LAMA3: variants seen among roughly 807,000 people sequenced by gnomAD.
LAMA3 encodes the protein laminin subunit alpha-3.
In LAMA3, 281 loss-of-function variants were observed where a neutral mutation model predicts 402.0. The observed-to-expected ratio is 0.70, with a 90% confidence interval of 0.63 to 0.77. LAMA3 has a LOEUF of 0.77. Among genes scored for constraint, LAMA3 ranks in the 30% least tolerant of loss-of-function variants. The probability of loss-of-function intolerance (pLI) is 0.00; values close to 1 mark genes in which losing one functional copy is unlikely to be tolerated. For missense variants in LAMA3, 3,840 were observed against 4,215.5 expected, an observed-to-expected ratio of 0.91 and a Z score of 2.47; for synonymous variants, 1,431 against 1,558.4, an observed-to-expected ratio of 0.92 and a Z score of 1.93.
At chr18:23,875,556 C>T (rs538825822) in intron 38 of LAMA3, among the ~76,000 whole-genome samples, 1 of 152,216 alleles carries the variant, frequency 6.6e-6, no homozygotes, top group South Asian at 2.1e-4. Context: ...GCTCCCCTCC[C>T]CTGGCTTCTC....
chr18:23,734,621 G>C (rs2061443986), intron 2 of LAMA3, among the ~76,000 whole-genome samples: 1 of 152,158 alleles, frequency 6.6e-6, no homozygotes, highest in African/African-American at 2.4e-5. Flanking sequence ...CTGGAATGGA[G>C]CAGAAAAAAA....
At chr18:23,945,714 A>C (rs2082684694) in intron 69 of LAMA3, among the ~76,000 whole-genome samples, 1 of 152,178 alleles carries the variant, frequency 6.6e-6, no homozygotes, top group African/African-American at 2.4e-5. Flanking sequence ...TTTGAAGAGA[A>C]GTGCCCTCGT....
intron 33 of LAMA3, among the ~76,000 whole-genome samples, chr18:23,858,244 A>G (rs1363947685): frequency 6.6e-6 from 1 of 152,184 alleles, no homozygotes; most frequent in Non-Finnish European, 1.5e-5. Context: ...AAATCAGCAC[A>G]AACTTTTATC....
intron 73 of LAMA3, 143 bp downstream of exon 73, chr18:23,951,920 A>C (rs895043320): frequency 2.5e-5 from 17 of 688,282 alleles, no homozygotes; most frequent in Non-Finnish European, 4.0e-5. Flanking sequence ...GTCCATTCAC[A>C]ACCCCAGCCA....
In LAMA3 at chr18:23,753,787, T is replaced by G; in HGVS notation, c.922T>G (p.Cys308Gly). 1 of 1,613,768 alleles carries G rather than the reference T, an allele frequency of 6.2e-7. No individual in the cohort carries two copies. Reference protein sequence around the residue: ...QCVCNGHAEVCNINNPEKLFR... With the variant: ...QCVCNGHAEVGNINNPEKLFR... ...TGTTTGCAATGGCCATGCTGAAGTGTGCAATATAAACAATCCTGAAAAACT... is the reference window on the plus strand; with the variant it reads ...TGTTTGCAATGGCCATGCTGAAGTGGGCAATATAAACAATCCTGAAAAACT... Residue 308 changes from cysteine (C) to glycine (G), a missense_variant, in exon 6 of 75, where the codon TGC becomes GGC. By Grantham distance (159) the Cys-to-Gly change is radical (BLOSUM62 -3). Around this residue, in one of 3 missense-constraint regions of LAMA3, gnomAD observed 2,109 missense variants for 2,376.0 expected, o/e 0.89. Coordinates refer to ENST00000313654, the MANE Select transcript of LAMA3 (RefSeq NM_198129.4).
intron 39 of LAMA3, among the ~76,000 whole-genome samples, chr18:23,880,225 T>C (rs571116888): frequency 6.6e-6 from 1 of 152,230 alleles, no homozygotes; most frequent in Admixed American, 6.5e-5. Flanking sequence ...GGACCCATAG[T>C]GCAGTGAGAT....
rs182296655 is a variant in LAMA3 at position 23,783,635 on chromosome 18, G to A, written c.1469-388G>A. Among the ~76,000 whole-genome samples, 445 of 152,308 alleles carry A rather than the reference G, an allele frequency of 2.9e-3. 2 individuals carry two copies. Among genetic ancestry groups the A allele is most frequent in the African/African-American group, 0.01 (432 of 41,558 alleles). On this transcript the variant is annotated intron_variant, in intron 11 of 74. Coordinates refer to ENST00000313654, the MANE Select transcript of LAMA3 (RefSeq NM_198129.4). ...GCCTGATATGTAGTAGGGCTGAATT[G>A]ATGTTAGTTTCTTTCCTTCTAAAAA...
chr18:23,762,959 C>T (rs752299681), intron 7 of LAMA3, among the ~76,000 whole-genome samples: 16 of 151,988 alleles, frequency 1.1e-4, no homozygotes, highest in African/African-American at 3.6e-4. Context: ...TGGGTTCAAG[C>T]GATTCTTCTG....
chr18:23,764,513 T>C (rs957119887), intron 8 of LAMA3, among the ~76,000 whole-genome samples: 2 of 152,134 alleles, frequency 1.3e-5, no homozygotes, highest in African/African-American at 4.8e-5. Context: ...TTCATCATTC[T>C]CTCAGTGATA....
At chr18:23,949,205 G>A (rs941611153) in intron 70 of LAMA3, among the ~76,000 whole-genome samples, 1 of 152,180 alleles carries the variant, frequency 6.6e-6, no homozygotes, top group Non-Finnish European at 1.5e-5. Context: ...TGCAGCATTC[G>A]TGACTTGGTG....
At position 23,827,433 on chromosome 18, in the gene LAMA3, C is replaced by T; in HGVS notation, c.2789C>T (p.Ala930Val). The T allele has an allele frequency of 1.9e-6, 3 of 1,614,068 alleles. No individual in the cohort carries two copies. Among genetic ancestry groups the T allele is most frequent in the Non-Finnish European group, 2.5e-6 (3 of 1,179,988 alleles). Residue 930 changes from alanine (A) to valine (V), a missense_variant, in exon 23 of 75, where the codon GCA becomes GTA. Around this residue, in one of 3 missense-constraint regions of LAMA3, gnomAD observed 2,109 missense variants for 2,376.0 expected, o/e 0.89. Coordinates refer to ENST00000313654, the MANE Select transcript of LAMA3 (RefSeq NM_198129.4). Reference sequence around the variant, plus strand: ...GTGGCAGTGAGGCAGCCCACACCTGCACACCCTGTCATGGTGGACCTCAGC... The same window carrying T: ...GTGGCAGTGAGGCAGCCCACACCTGTACACCCTGTCATGGTGGACCTCAGC... ...RPVAVRQPTP[A>V]HPVMVDLSGR... is the part of the protein sequence containing the mutation.
chr18:23,945,211 CA>C (rs1402151411), intron 69 of LAMA3, among the ~76,000 whole-genome samples: 2 of 152,206 alleles, frequency 1.3e-5, no homozygotes, highest in Admixed American at 6.5e-5. Context: ...AAGAGACTGC[CA>C]GGGGGCAAGA....
intron 1 of LAMA3, among the ~76,000 whole-genome samples, chr18:23,698,975 G>A (rs1355577261): frequency 6.6e-6 from 1 of 152,002 alleles, no homozygotes; most frequent in Non-Finnish European, 1.5e-5. Context: ...CCAGGGTGCG[G>A]TGGCTCACGC....
chr18:23,867,055 G>A (rs1032316623), intron 36 of LAMA3, among the ~76,000 whole-genome samples: 3 of 152,200 alleles, frequency 2.0e-5, no homozygotes, highest in Non-Finnish European at 4.4e-5. Context: ...GGCTGAGAGC[G>A]AGTGAGGCTG....
Position 23,906,358 on chromosome 18 carries a change from A to G in LAMA3, c.6718+734A>G, listed in dbSNP as rs113569195. Among the ~76,000 whole-genome samples the G allele has an allele frequency of 1.3e-3, 192 of 152,348 alleles. 1 individual carries two copies. The highest frequency in any genetic ancestry group is 4.1e-3 in the African/African-American group (172 of 41,580). On this transcript the variant is annotated intron_variant, in intron 52 of 74. Transcript: ENST00000313654. Reference sequence around the variant, plus strand: ...AAAATCTTTGCAACTAAAAGTCCCCAAAATCACTGCTACTGTGAAGCATGA... The same window carrying G: ...AAAATCTTTGCAACTAAAAGTCCCCGAAATCACTGCTACTGTGAAGCATGA...
intron 8 of LAMA3, among the ~76,000 whole-genome samples, chr18:23,772,265 C>T (rs894402162): frequency 6.6e-6 from 1 of 152,316 alleles, no homozygotes; most frequent in East Asian, 1.9e-4. Context: ...TGGTCTTGAA[C>T]TCCTGACCTT....
At chr18:23,690,149 G>C (rs1349059648) in intron 1 of LAMA3, among the ~76,000 whole-genome samples, 172 bp downstream of exon 1, 5 of 152,198 alleles carry the variant, frequency 3.3e-5, no homozygotes, top group Admixed American at 2.0e-4. Flanking sequence ...GCGATCTCGT[G>C]GAAGCACCGC....
chr18:23,756,436 G>T (rs936972759), intron 6 of LAMA3, among the ~76,000 whole-genome samples: 1 of 33,718 alleles, frequency 3.0e-5, no homozygotes, highest in Non-Finnish European at 6.3e-5. Context: ...GGACACCCCC[G>T]CCGCTTCCCC....
At position 23,894,912 on chromosome 18, in the gene LAMA3, G is replaced by A. The variant is rs779345110; in HGVS notation, c.5467G>A (p.Asp1823Asn). The change falls in exon 44 of 75, where the codon GAC becomes AAC. Residue 1823 changes from aspartate to asparagine, a missense_variant. Physicochemically the swap from Asp to Asn is conservative, Grantham distance 23. This residue lies in a region of LAMA3 where 891 missense variants were observed against 857.5 expected (regional missense o/e 1.04). Coordinates refer to ENST00000313654, the MANE Select transcript of LAMA3 (RefSeq NM_198129.4). The stretch of plus-strand genomic sequence containing the variant: ...TTTGATTGTGGCCCCTACAGATTGC[G>A]ACAGCTGTGTGATGACCCTCCTGAA... ...SSPAEECDDC[D>N]SCVMTLLNDL... 6 of 1,614,152 alleles carry A rather than the reference G, an allele frequency of 3.7e-6. No individual in the cohort carries two copies. Among genetic ancestry groups the A allele is most frequent in the South Asian group, 2.2e-5 (2 of 91,064 alleles).
Sources: allele counts gnomAD v4.1 joint callset (sites outside exome capture counted in the v4.1 genomes callset), GRCh38; gene constraint gnomAD v4.1.1; regional missense constraint gnomAD v4.1.1; transcripts MANE v1.5; gene names NCBI Gene and HGNC (gene_info 2026-07-23, HGNC 2026-07-21).